The following CCDC175 variants were observed in gnomAD, a reference collection of about 807,000 sequenced individuals.
CCDC175 encodes the protein coiled-coil domain containing 175.
CCDC175 carries 100 observed loss-of-function variants against 114.6 expected under a neutral mutation model. The ratio of observed to expected loss-of-function variants is 0.87; its 90% CI spans 0.74 to 1.03. CCDC175 has a LOEUF of 1.03. CCDC175 is among the 50% of genes least tolerant of loss of function. The probability of loss-of-function intolerance (pLI) is 0.00; values close to 1 mark genes in which losing one functional copy is unlikely to be tolerated. For synonymous variants in CCDC175, 306 were observed against 308.7 expected, an observed-to-expected ratio of 0.99 and a Z score of 0.09; for missense variants, 880 against 917.8, an observed-to-expected ratio of 0.96 and a Z score of 0.53.
At chr14:59,540,354 T>C (rs1199054196) in intron 11 of CCDC175, among the ~76,000 whole-genome samples, 1 of 152,102 alleles carries the variant, frequency 6.6e-6, no homozygotes, top group Non-Finnish European at 1.5e-5. Context: ...GCCACCTTCC[T>C]CTCTTACCAT....
intron 7 of CCDC175, among the ~76,000 whole-genome samples, chr14:59,552,955 T>TG (rs1238066648): frequency 2.0e-5 from 3 of 152,168 alleles, no homozygotes; most frequent in Non-Finnish European, 4.4e-5. Flanking sequence ...CCAAGAAATA[T>TG]GGGACTATGT....
intron 7 of CCDC175, among the ~76,000 whole-genome samples, chr14:59,557,296 A>G (rs1281535711): frequency 6.6e-6 from 1 of 152,022 alleles, no homozygotes; most frequent in Non-Finnish European, 1.5e-5. Context: ...ATAAAAAAGG[A>G]TGAGTTCATG....
At chr14:59,514,860 A>G (rs533299077) in intron 17 of CCDC175, among the ~76,000 whole-genome samples, 5 of 152,312 alleles carry the variant, frequency 3.3e-5, no homozygotes, top group Admixed American at 3.3e-4. Context: ...AAGACACATA[A>G]TTGTCAGATT....
intron 3 of CCDC175, among the ~76,000 whole-genome samples, chr14:59,570,927 G>C (rs553783131): frequency 1.3e-5 from 2 of 152,172 alleles, no homozygotes; most frequent in Non-Finnish European, 2.9e-5. Flanking sequence ...ATTTTTAGTA[G>C]AGATGGGGTT....
At chr14:59,537,948 A>G in intron 13 of CCDC175, 75 bp downstream of exon 13, 1 of 995,288 alleles carries the variant, frequency 1.0e-6, no homozygotes, top group Non-Finnish European at 1.4e-6. Context: ...ACTGATTAGA[A>G]TAGCATGAAA....
In CCDC175 at chr14:59,576,715, C is replaced by A. The variant is rs1595093443; in HGVS notation, c.61G>T (p.Ala21Ser). The A allele has an allele frequency of 6.8e-7, 1 of 1,477,040 alleles. No homozygotes were observed. Among genetic ancestry groups the A allele is most frequent in the Non-Finnish European group, 8.9e-7 (1 of 1,122,626 alleles). 91.5% of individuals were successfully genotyped at this position (1,477,040 alleles called of 1,614,324 possible). The change falls in exon 1 of 20, where the codon GCC becomes TCC. Residue 21 changes from alanine (A) to serine (S), a missense_variant. Physicochemically the swap from Ala to Ser is moderately conservative, Grantham distance 99 (BLOSUM62 1). Coordinates refer to ENST00000537690, the MANE Select transcript of CCDC175 (RefSeq NM_001164399.2). ...TCCAGGGAGGGGCCAGTGGAGACGG[C>A]AGCCGCCTGCACCAGCTTCTCGCCA... ...GAGEKLVQAA[A>S]VSTGPSLELC...
In CCDC175 at chr14:59,545,150, G is replaced by C; in HGVS notation, c.1172+13C>G. The C allele has an allele frequency of 6.5e-7, 1 of 1,531,408 alleles. No homozygotes were observed. Among genetic ancestry groups the C allele is most frequent in the Non-Finnish European group, 8.7e-7 (1 of 1,144,280 alleles). The allele number at this position is 1,531,408 out of a possible 1,614,324, so 94.9% of individuals were successfully genotyped here. On this transcript the variant is annotated intron_variant, in intron 9 of 19. Coordinates refer to ENST00000537690, the MANE Select transcript of CCDC175 (RefSeq NM_001164399.2). ...GATGGCATGTTGAATCACACGTGTGGGTAAAGACATACTCATCATGAATCT... is the reference window on the plus strand; with the variant it reads ...GATGGCATGTTGAATCACACGTGTGCGTAAAGACATACTCATCATGAATCT...
At position 59,561,190 on chromosome 14, in the gene CCDC175, G is replaced by A. The variant is rs186215811; in HGVS notation, c.882C>T (p.His294=). The A allele has an allele frequency of 2.3e-5, 35 of 1,534,906 alleles. No homozygotes were observed. The highest frequency in any genetic ancestry group is 1.2e-4 in the Admixed American group (6 of 50,920). The change falls in exon 7 of 20, where the codon CAC becomes CAT. Residue 294 remains histidine, a synonymous_variant. Transcript: ENST00000537690. ...CTTGTTCCCAATACCTTATTGATTCGTGTAGTCGTGCTATCTCTAAATTGT... is the reference window on the plus strand; with the variant it reads ...CTTGTTCCCAATACCTTATTGATTCATGTAGTCGTGCTATCTCTAAATTGT... ...SDHNLEIARL[H]ESIRYWEQEV...
chr14:59,513,737 G>C (rs1015091785), intron 17 of CCDC175, among the ~76,000 whole-genome samples: 2 of 152,190 alleles, frequency 1.3e-5, no homozygotes, highest in South Asian at 4.1e-4. Context: ...TCCACCTCTG[G>C]GGGCAGGGCA....
At chr14:59,517,630 T>G (rs1404080754) in intron 17 of CCDC175, among the ~76,000 whole-genome samples, 2 of 152,166 alleles carry the variant, frequency 1.3e-5, no homozygotes, top group African/African-American at 4.8e-5. Context: ...GAAGGACCTC[T>G]TCAAGGAGAA....
In CCDC175 at chr14:59,572,746, T is replaced by C; in HGVS notation, c.311A>G (p.Tyr104Cys). ...GCTATTGGGAAGAGTTTCCAATAGA[T>C]AGTATAGTTTGTTGAGTTCCATGCT... is the stretch of plus-strand genomic sequence containing the variant. ...IESMELNKLYYLLETLPNSIK... is the reference protein window; with the variant it reads ...IESMELNKLYCLLETLPNSIK... Residue 104 changes from tyrosine (Y) to cysteine (C), a missense_variant, in exon 3 of 20, where the codon TAT becomes TGT. By Grantham distance (194) the Tyr-to-Cys change is radical (BLOSUM62 -2). Coordinates refer to ENST00000537690, the MANE Select transcript of CCDC175 (RefSeq NM_001164399.2). 2.6e-6 allele frequency: 4 copies of C among 1,520,724 alleles called. No homozygotes were observed. Among genetic ancestry groups the C allele is most frequent in the Non-Finnish European group, 2.6e-6 (3 of 1,142,872 alleles). The allele number at this position is 1,520,724 out of a possible 1,614,324, so 94.2% of individuals were successfully genotyped here.
Position 59,563,874 on chromosome 14 carries a change from A to AT in CCDC175, c.721-16dup. ...AATTCATTAATCTATAGTGACAAGC[A>AT]TAAGAAACCAATTTAAAAAGCCTAT... On this transcript the variant is annotated splice_polypyrimidine_tract_variant and intron_variant, in intron 5 of 19. Transcript: ENST00000537690. 1 of 1,372,918 alleles carries AT rather than the reference A, an allele frequency of 7.3e-7. No individual in the cohort carries two copies. Among genetic ancestry groups the AT allele is most frequent in the South Asian group, 1.8e-5 (1 of 56,234 alleles). 85.0% of individuals were successfully genotyped at this position (1,372,918 alleles called of 1,614,324 possible).
At chr14:59,506,301 T>C (rs1159924877) in intron 19 of CCDC175, among the ~76,000 whole-genome samples, 2 of 150,792 alleles carry the variant, frequency 1.3e-5, no homozygotes, top group African/African-American at 2.4e-5. Context: ...CTTTTTTTTT[T>C]TTTGAGACAG....
intron 17 of CCDC175, among the ~76,000 whole-genome samples, chr14:59,516,002 G>T (rs554255777): frequency 4.6e-5 from 7 of 152,306 alleles, no homozygotes; most frequent in Admixed American, 1.3e-4. Context: ...TAGAACTCAG[G>T]ATTAAGAAAC....
At chr14:59,574,230 A>T (rs1164672174) in intron 2 of CCDC175, among the ~76,000 whole-genome samples, 1 of 152,230 alleles carries the variant, frequency 6.6e-6, no homozygotes, top group Non-Finnish European at 1.5e-5. Flanking sequence ...AAACTCATTT[A>T]CAGCCATATT....
At position 59,546,448 on chromosome 14, in the gene CCDC175, G is replaced by A. The variant is rs1438433297; in HGVS notation, c.1036-1149C>T. Among the ~76,000 whole-genome samples the A allele has an allele frequency of 2.6e-5, 4 of 152,252 alleles. No homozygotes were observed. In the South Asian group the frequency reaches 6.2e-4, roughly 24 times the overall value. Reference sequence around the variant, plus strand: ...ATACCCTTGTAATAAACCTGCACATGTGCTTGAATCTAAAAAAATAAAAAT... The same window carrying A: ...ATACCCTTGTAATAAACCTGCACATATGCTTGAATCTAAAAAAATAAAAAT... On this transcript the variant is annotated intron_variant, in intron 8 of 19. Transcript: ENST00000537690.
At chr14:59,517,614 A>G (rs2060001407) in intron 17 of CCDC175, among the ~76,000 whole-genome samples, 2 of 152,186 alleles carry the variant, frequency 1.3e-5, no homozygotes, top group African/African-American at 2.4e-5. Flanking sequence ...AACTTACAAG[A>G]GATGTGAAGG....
intron 14 of CCDC175, among the ~76,000 whole-genome samples, chr14:59,529,885 A>C (rs1195931455): frequency 6.6e-6 from 1 of 150,542 alleles, no homozygotes; most frequent in Non-Finnish European, 1.5e-5. Context: ...CAACTTTCCC[A>C]CTCTTATGTT....
At chr14:59,528,587 C>G (rs1477478351) in intron 14 of CCDC175, among the ~76,000 whole-genome samples, 2 of 152,158 alleles carry the variant, frequency 1.3e-5, no homozygotes, top group Non-Finnish European at 2.9e-5. Context: ...CATTTCATCC[C>G]TAACCTTCCT....
Sources: gnomAD v4.1 joint callset for allele counts (sites outside exome capture counted in the v4.1 genomes callset) on GRCh38, gnomAD v4.1.1 for gene constraint, MANE v1.5 for transcripts, NCBI Gene and HGNC (gene_info 2026-07-23, HGNC 2026-07-21) for gene names.